Variants in MICAL2 observed in about 807,000 individuals in gnomAD.
The protein encoded by MICAL2 is microtubule associated monooxygenase, calponin and LIM domain containing 2.
In MICAL2, 77 loss-of-function variants were observed where a neutral mutation model predicts 127.3. The observed-to-expected ratio is 0.60, with a 90% CI of 0.50 to 0.73. The LOEUF (loss-of-function observed/expected upper bound fraction) is 0.73. Ranked by LOEUF, MICAL2 falls within the 30% of genes least tolerant of loss-of-function variation. MICAL2 has a pLI of 0.00. For missense variants in MICAL2, 1,351 were observed against 1,434.4 expected (o/e 0.94, Z 0.94); for synonymous variants, 570 against 551.1 (o/e 1.03, Z -0.48).
Position 12,204,675 on chromosome 11 carries a change from G to A in MICAL2, c.472+218G>A, listed in dbSNP as rs138228925. Among the ~76,000 whole-genome samples the A allele has an allele frequency of 3.2e-3, 486 of 152,348 alleles. 3 individuals are homozygous for A. Among genetic ancestry groups the A allele is most frequent in the Non-Finnish European group, 5.3e-3 (359 of 68,032 alleles). ...TGTAAGCACCATGAGGTCAGGGATT[G>A]CAGCATGCCTTAATCACCAGACTAT... On this transcript the variant is annotated intron_variant, in intron 4 of 27. Transcript: ENST00000683283.
At chr11:12,337,416 A>G (rs1335275741) in intron 32 of MICAL2, among the ~76,000 whole-genome samples, 8 of 152,044 alleles carry the variant, frequency 5.3e-5, no homozygotes, top group Non-Finnish European at 1.0e-4. Context: ...TCCTGGATTC[A>G]TTGATTTTTT....
At chr11:12,343,406 TA>T (rs57546290) in intron 32 of MICAL2, among the ~76,000 whole-genome samples, 25,041 of 110,020 alleles carry the variant, frequency 0.23, 2,686 homozygotes, top group East Asian at 0.46. Flanking sequence ...TTCATCTCAT[TA>T]AAAAAAAAAA....
At chr11:12,245,950 G>T (rs1019008635) in intron 21 of MICAL2, among the ~76,000 whole-genome samples, 3 of 152,210 alleles carry the variant, frequency 2.0e-5, no homozygotes, top group Admixed American at 6.5e-5. Flanking sequence ...GGTCAGCCAG[G>T]CCCACACCTT....
At position 12,112,828 on chromosome 11, in the gene MICAL2, G is replaced by T. The variant is rs1211938633; in HGVS notation, c.-149+2102G>T. Among the ~76,000 whole-genome samples the T allele has an allele frequency of 3.9e-5, 6 of 152,154 alleles. 1 individual carries two copies. The highest frequency in any genetic ancestry group is 8.8e-5 in the Non-Finnish European group (6 of 68,026). On this transcript the variant is annotated intron_variant, in intron 1 of 27. Transcript: ENST00000683283. ...CAGCTTTTAAGAACTATGCCTGGTT[G>T]TGGCTGTGGCCATTGGAGGCCCATT...
Position 12,241,172 on chromosome 11 carries a change from C to T in MICAL2, c.2337+10C>T. The T allele has an allele frequency of 6.2e-7, 1 of 1,611,294 alleles. No individual in the cohort carries two copies. Among genetic ancestry groups the T allele is most frequent in the Non-Finnish European group, 8.5e-7 (1 of 1,178,574 alleles). ...TCCTCTGAAAAGGCAGGTAGGGCTC[C>T]TTCCAGTGGATGCTGTTTTGGTGAA... On this transcript the variant is annotated intron_variant, in intron 18 of 27. Transcript: ENST00000683283.
intron 16 of MICAL2, among the ~76,000 whole-genome samples, chr11:12,237,255 C>T (rs1020823649): frequency 1.3e-5 from 2 of 152,136 alleles, no homozygotes; most frequent in Non-Finnish European, 1.5e-5. Context: ...CCATTCTACC[C>T]AATGAGTTCA....
chr11:12,320,318 G>A lies in MICAL2; in HGVS notation c.5328+507G>A, dbSNP rs572547887. Among the ~76,000 whole-genome samples, 26 of 152,288 alleles carry A rather than the reference G, an allele frequency of 1.7e-4. No homozygotes were observed. In the East Asian group the frequency reaches 4.0e-3, roughly 24 times the overall value. ...CAAGCCCCGTGCCAGCTGGGGAGAT[G>A]GCAGACTTCTTTTCTCAATGAACAT... On this transcript the variant is annotated intron_variant, in intron 30 of 34. Coordinates refer to the MICAL2 transcript ENST00000646065.
chr11:12,268,762 G>A (rs1863636664), downstream of MICAL2, among the ~76,000 whole-genome samples: 1 of 152,128 alleles, frequency 6.6e-6, no homozygotes, highest in Non-Finnish European at 1.5e-5. Context: ...AGGCCAAGGT[G>A]GGCGGATCAG....
intron 2 of MICAL2, among the ~76,000 whole-genome samples, chr11:12,282,375 G>A (rs923129551): frequency 6.6e-6 from 1 of 151,862 alleles, no homozygotes; most frequent in Admixed American, 6.6e-5. Context: ...CATCCCCCTG[G>A]GCTCCAGCTC....
Position 12,258,689 on chromosome 11 carries a change from C to G in MICAL2, c.3231+133C>G. On this transcript the variant is annotated intron_variant, in intron 25 of 27. Transcript: ENST00000683283. ...GACTCACAGATAAAGAAGAAAGCCT[C>G]TGCTTCCTGGTGTGGAGGGTTCTTT... The G allele has an allele frequency of 6.4e-6, 5 of 779,990 alleles. No individual in the cohort carries two copies. In the East Asian group the frequency reaches 1.3e-4, roughly 21 times the overall value. The allele number at this position is 779,990 out of a possible 1,614,324, so 48.3% of individuals were successfully genotyped here.
At chr11:12,117,956 A>G (rs11022184) in intron 1 of MICAL2, among the ~76,000 whole-genome samples, 2,924 of 152,318 alleles carry the variant, frequency 0.019, 89 homozygotes, top group African/African-American at 0.066. Context: ...TGTGAGGCTC[A>G]TGCAGTTGGA....
chr11:12,257,560 CAAATT>C (rs1447815145), intron 24 of MICAL2, among the ~76,000 whole-genome samples: 4 of 152,172 alleles, frequency 2.6e-5, no homozygotes, highest in Non-Finnish European at 5.9e-5. Flanking sequence ...TACACACCCT[CAAATT>C]AAACTGCCTG....
intron 2 of MICAL2, among the ~76,000 whole-genome samples, chr11:12,146,189 G>A (rs11022202): frequency 0.48 from 72,260 of 151,766 alleles, 17,825 homozygotes; most frequent in South Asian, 0.68. Flanking sequence ...CAAAAGCAAT[G>A]GCAACAAAAG....
downstream of MICAL2, among the ~76,000 whole-genome samples, chr11:12,289,561 TTTTTG>T (rs201710483): frequency 0.043 from 5,010 of 116,130 alleles, 154 homozygotes; most frequent in African/African-American, 0.1. Context: ...CTCTTGTTTT[TTTTTG>T]TTTTTTTTTT....
At chr11:12,154,361 C>G (rs952229442) in intron 2 of MICAL2, among the ~76,000 whole-genome samples, 4 of 152,026 alleles carry the variant, frequency 2.6e-5, no homozygotes, top group Non-Finnish European at 5.9e-5. Context: ...AGATAAGATA[C>G]AGGAAGCCCA....
chr11:12,324,183 A>C, intron 31 of MICAL2: 1 of 1,294,972 alleles, frequency 7.7e-7, no homozygotes, highest in African/African-American at 1.5e-5. Context: ...GGCTGGAGAA[A>C]GGTCAGTCTT....
At chr11:12,323,756 G>C (rs1864325824) in intron 30 of MICAL2, among the ~76,000 whole-genome samples, 1 of 152,242 alleles carries the variant, frequency 6.6e-6, no homozygotes, top group Non-Finnish European at 1.5e-5. Context: ...CTCACTTCAA[G>C]TGTCCACTAG....
chr11:12,178,284 C>T (rs1275853412), intron 3 of MICAL2, among the ~76,000 whole-genome samples: 1 of 152,182 alleles, frequency 6.6e-6, no homozygotes, highest in African/African-American at 2.4e-5. Flanking sequence ...AAAACCCCAA[C>T]TTTTGTAAAA....
upstream of MICAL2, chr11:12,274,361 GAAACA>G: frequency 6.6e-6 from 1 of 152,066 alleles, no homozygotes; most frequent in Non-Finnish European, 1.5e-5. Flanking sequence ...AGCAACAAAT[GAAACA>G]GACAAAAATC....
Sources: gnomAD v4.1 joint callset for allele counts (sites outside exome capture counted in the v4.1 genomes callset) on GRCh38, gnomAD v4.1.1 for gene constraint, MANE v1.5 for transcripts, NCBI Gene and HGNC (gene_info 2026-07-23, HGNC 2026-07-21) for gene names.